NECAP2: variants seen among roughly 807,000 people sequenced by gnomAD.
NECAP2 encodes NECAP endocytosis associated 2, also known as adaptin ear-binding coat-associated protein 2.
Under a neutral mutation model 37.8 loss-of-function variants are expected in NECAP2, and 38 were observed. That is an observed-to-expected ratio of 1.01 (90% CI 0.78 to 1.32). The LOEUF is 1.32. Among genes scored for constraint, NECAP2 ranks in the 40% most tolerant of loss-of-function variants. The pLI, the probability that NECAP2 is intolerant of heterozygous loss-of-function variation, is 0.00. For missense variants in NECAP2, 316 were observed against 334.5 expected, an observed-to-expected ratio of 0.94 and a Z score of 0.43; for synonymous variants, 121 against 127.7, an observed-to-expected ratio of 0.95 and a Z score of 0.35.
chr1:16,455,541 C>T lies in NECAP2; in HGVS notation c.668-277C>T. On this transcript the variant is annotated intron_variant, in intron 6 of 7. Transcript: ENST00000337132. ...GGTATGCATGTTAGATGACGTGAGACTAACCACCCATCCCGCGGGCACCCC... is the reference window on the plus strand; with the variant it reads ...GGTATGCATGTTAGATGACGTGAGATTAACCACCCATCCCGCGGGCACCCC... 3 of 438,746 alleles carry T rather than the reference C, an allele frequency of 6.8e-6. No homozygotes were observed. In the South Asian group the frequency reaches 1.2e-4, roughly 18 times the overall value. The allele number at this position is 438,746 out of a possible 1,614,324, so 27.2% of individuals were successfully genotyped here.
chr1:16,455,235 A>G (rs776036962), intron 6 of NECAP2, among the ~76,000 whole-genome samples: 2 of 152,246 alleles, frequency 1.3e-5, no homozygotes, highest in Non-Finnish European at 2.9e-5. Context: ...CAGGCATTGC[A>G]GCCCCATGGC....
intron 4 of NECAP2, 39 bp downstream of exon 4, chr1:16,448,180 T>G (rs1289341421): frequency 6.4e-7 from 1 of 1,563,024 alleles, no homozygotes; most frequent in South Asian, 1.1e-5. Context: ...TGCCCCTCCC[T>G]TCTTTCCCTG....
In NECAP2 at chr1:16,443,412, C is replaced by T. The variant is rs141449751; in HGVS notation, c.93-220C>T. Among the ~76,000 whole-genome samples, 120 of 152,340 alleles carry T rather than the reference C, an allele frequency of 7.9e-4. 1 individual carries two copies. Among genetic ancestry groups the T allele is most frequent in the African/African-American group, 2.9e-3 (119 of 41,574 alleles). Reference sequence around the variant, plus strand: ...AAAATAGTTAAGATACCTAAAGCATCACCACGTGCATGTTCTATACTGATT... The same window carrying T: ...AAAATAGTTAAGATACCTAAAGCATTACCACGTGCATGTTCTATACTGATT... On this transcript the variant is annotated intron_variant, in intron 1 of 7. Coordinates refer to ENST00000337132, the MANE Select transcript of NECAP2 (RefSeq NM_018090.5).
chr1:16,443,960 G>A (rs1389603701), intron 2 of NECAP2, among the ~76,000 whole-genome samples: 2 of 152,182 alleles, frequency 1.3e-5, no homozygotes, highest in African/African-American at 2.4e-5. Flanking sequence ...CCTTTTAGGA[G>A]TCCTCAGGAA....
chr1:16,444,219 T>C (rs977472181), intron 2 of NECAP2, among the ~76,000 whole-genome samples: 3 of 152,258 alleles, frequency 2.0e-5, no homozygotes, highest in Admixed American at 6.5e-5. Flanking sequence ...CTGGGTTGTG[T>C]TGGGGTCAGC....
intron 6 of NECAP2, among the ~76,000 whole-genome samples, chr1:16,454,022 T>C (rs2100966684): frequency 6.6e-6 from 1 of 152,314 alleles, no homozygotes; most frequent in South Asian, 2.1e-4. Context: ...GGGTTCAAAT[T>C]TCAGCTTACT....
chr1:16,448,164 C>G (rs755029881), intron 4 of NECAP2, 23 bp downstream of exon 4: 6 of 1,589,448 alleles, frequency 3.8e-6, no homozygotes, highest in Non-Finnish European at 5.2e-6. Context: ...GGGAGACACA[C>G]GCTCATGCCC....
At chr1:16,446,888 T>A (rs1570259323) in intron 2 of NECAP2, among the ~76,000 whole-genome samples, 2 of 151,844 alleles carry the variant, frequency 1.3e-5, no homozygotes, top group African/African-American at 4.8e-5. Flanking sequence ...GGTGAAACAC[T>A]GTCTCTACTA....
Position 16,440,950 on chromosome 1 carries a change from T to C in NECAP2, c.92+97T>C, listed in dbSNP as rs982432437. On this transcript the variant is annotated intron_variant, in intron 1 of 7. Coordinates refer to ENST00000337132, the MANE Select transcript of NECAP2 (RefSeq NM_018090.5). Reference sequence around the variant, plus strand: ...GGGAACCGAGGACAGCCCTGGCCAGTTTTGGGGCGAGGGGGAGCTAATGCT... The same window carrying C: ...GGGAACCGAGGACAGCCCTGGCCAGCTTTGGGGCGAGGGGGAGCTAATGCT... 21 of 1,014,418 alleles carry C rather than the reference T, an allele frequency of 2.1e-5. No homozygotes were observed. In the African/African-American group the frequency reaches 3.0e-4, roughly 15 times the overall value. The allele number at this position is 1,014,418 out of a possible 1,614,324, so 62.8% of individuals were successfully genotyped here. A position where few individuals can be genotyped will look rare whatever the true frequency, so the allele number is the denominator to read the frequency against.
chr1:16,445,099 C>T (rs867477473), intron 2 of NECAP2, among the ~76,000 whole-genome samples: 2 of 152,208 alleles, frequency 1.3e-5, no homozygotes, highest in Non-Finnish European at 2.9e-5. Flanking sequence ...GTTGGGATTA[C>T]AGGTGTGAGC....
At chr1:16,441,655 G>C (rs541234770) in intron 1 of NECAP2, 3 of 152,354 alleles carry the variant, frequency 2.0e-5, no homozygotes, top group African/African-American at 7.2e-5. Flanking sequence ...CTGAGTGGTG[G>C]TGGGGAGTGC....
At position 16,448,150 on chromosome 1, in the gene NECAP2, G is replaced by A; in HGVS notation, c.380+9G>A. The stretch of plus-strand genomic sequence containing the variant: ...TTGCAGGACCATTTCAAGTGAGTGG[G>A]TCTGGGAGACACACGCTCATGCCCC... On this transcript the variant is annotated intron_variant, in intron 4 of 7. Coordinates refer to ENST00000337132, the MANE Select transcript of NECAP2 (RefSeq NM_018090.5). 1 of 1,612,648 alleles carries A rather than the reference G, an allele frequency of 6.2e-7. No individual in the cohort carries two copies. The highest frequency in any genetic ancestry group is 8.5e-7 in the Non-Finnish European group (1 of 1,178,748).
Position 16,455,852 on chromosome 1 carries a change from T to C in NECAP2, c.702T>C (p.Pro234=). ...GAPVPWPQPN[P]ATADIWGDFT... ...CTGTACCCTGGCCACAGCCCAATCC[T>C]GCCACTGCTGACATCTGGGGAGACT... Residue 234 remains proline (P), a synonymous_variant, in exon 7 of 8, where the codon CCT becomes CCC. Coordinates refer to ENST00000337132, the MANE Select transcript of NECAP2 (RefSeq NM_018090.5). 1 of 1,614,092 alleles carries C rather than the reference T, an allele frequency of 6.2e-7. No individual in the cohort carries two copies. Among genetic ancestry groups the C allele is most frequent in the South Asian group, 1.1e-5 (1 of 91,074 alleles).
chr1:16,458,864 C>A lies in NECAP2; in HGVS notation c.766C>A (p.Pro256Thr), dbSNP rs1430366999. Reference sequence around the variant, plus strand: ...CAGATCAACTTCCAGCCAGACCCAGCCAGGCACAGGCTGGGTCCAGTTCTG... The same window carrying A: ...CAGATCAACTTCCAGCCAGACCCAGACAGGCACAGGCTGGGTCCAGTTCTG... ...STGSTSSQTQ[P>T]GTGWVQF The change falls in exon 8 of 8, where the codon CCA (proline) becomes ACA (threonine). Residue 256 changes from proline (P) to threonine (T), a missense_variant. Physicochemically the swap from Pro to Thr is conservative, Grantham distance 38. This residue lies in a region of NECAP2 where 204 missense variants were observed against 188.6 expected (regional missense o/e 1.08). Transcript: ENST00000337132. The A allele has an allele frequency of 6.2e-7, 1 of 1,613,592 alleles. No homozygotes were observed. Among genetic ancestry groups the A allele is most frequent in the Non-Finnish European group, 8.5e-7 (1 of 1,179,882 alleles).
rs370370453 is a variant in NECAP2 at position 16,456,276 on chromosome 1, C to T, written c.743+383C>T. Among the ~76,000 whole-genome samples, 56 of 152,260 alleles carry T rather than the reference C, an allele frequency of 3.7e-4. No individual in the cohort carries two copies. In the Middle Eastern group the frequency reaches 0.017, roughly 46 times the overall value. ...CTGACCTCAGGCGATCCACCTGCCT[C>T]GTCCTCCCAAAGTACTGGGATTACA... On this transcript the variant is annotated intron_variant, in intron 7 of 7. Transcript: ENST00000337132.
Position 16,451,922 on chromosome 1 carries a change from C to G in NECAP2, c.574C>G (p.Pro192Ala), listed in dbSNP as rs946210672. 1.9e-6 allele frequency: 3 copies of G among 1,613,826 alleles called. No individual in the cohort carries two copies. The highest frequency in any genetic ancestry group is 2.5e-6 in the Non-Finnish European group (3 of 1,179,870). ...TGGLSLLPPPPGGKTSTLIPP... is the reference protein window; with the variant it reads ...TGGLSLLPPPAGGKTSTLIPP... ...AGGGCTGAGCCTGCTTCCCCCTCCCCCAGGGGGGAAAACCTCCACCCTGAT... is the reference window on the plus strand; with the variant it reads ...AGGGCTGAGCCTGCTTCCCCCTCCCGCAGGGGGGAAAACCTCCACCCTGAT... The change falls in exon 6 of 8, where the codon CCA (proline) becomes GCA (alanine). Residue 192 changes from proline (P) to alanine (A), a missense_variant. Pro to Ala is a conservative substitution (Grantham distance 27). Coordinates refer to ENST00000337132, the MANE Select transcript of NECAP2 (RefSeq NM_018090.5).
chr1:16,447,321 AGCTAGTCAC>A (rs1173140993), intron 2 of NECAP2, among the ~76,000 whole-genome samples: 1 of 141,474 alleles, frequency 7.1e-6, no homozygotes, highest in Non-Finnish European at 1.5e-5. Flanking sequence ...GGGCTTTTAA[AGCTAGTCAC>A]GCTTGCCCTG....
chr1:16,456,269 C>T (rs1311401112), intron 7 of NECAP2, among the ~76,000 whole-genome samples: 1 of 152,206 alleles, frequency 6.6e-6, no homozygotes, highest in Non-Finnish European at 1.5e-5. Context: ...AGGCGATCCA[C>T]CTGCCTCGTC....
Position 16,448,589 on chromosome 1 carries a change from C to T in NECAP2, c.380+448C>T, listed in dbSNP as rs886607039. 2.6e-5 allele frequency among the ~76,000 whole-genome samples: 4 copies of T among 152,214 alleles called. No individual in the cohort carries two copies. The East Asian group carries it at 7.7e-4, about 29-fold the overall frequency. ...CTGCCAGTGAGTGGGCTGTGCCCGGCCACTCACATGGGCGCCTCTGGCTCT... is the reference window on the plus strand; with the variant it reads ...CTGCCAGTGAGTGGGCTGTGCCCGGTCACTCACATGGGCGCCTCTGGCTCT... On this transcript the variant is annotated intron_variant, in intron 4 of 7. Transcript: ENST00000337132.
Sources: allele counts gnomAD v4.1 joint callset (sites outside exome capture counted in the v4.1 genomes callset), GRCh38; gene constraint gnomAD v4.1.1; regional missense constraint gnomAD v4.1.1; transcripts MANE v1.5; gene names NCBI Gene and HGNC (gene_info 2026-07-23, HGNC 2026-07-21).